The following ZDHHC7 variants were observed in gnomAD, a reference collection of about 807,000 sequenced individuals.
ZDHHC7 encodes the protein zDHHC palmitoyltransferase 7.
In ZDHHC7, 12 loss-of-function variants were observed where a neutral mutation model predicts 34.1. The ratio of observed to expected loss-of-function variants is 0.35; its 90% CI spans 0.23 to 0.57. The LOEUF (loss-of-function observed/expected upper bound fraction) is 0.57. Ranked by LOEUF, ZDHHC7 falls within the 20% of genes least tolerant of loss-of-function variation. The pLI is 0.84. For missense variants in ZDHHC7, 388 were observed against 402.7 expected (o/e 0.96, Z 0.31); for synonymous variants, 185 against 155.4 (o/e 1.19, Z -1.42).
upstream of ZDHHC7, among the ~76,000 whole-genome samples, chr16:85,015,273 G>C (rs1374249988): frequency 2.0e-5 from 3 of 151,762 alleles, no homozygotes; most frequent in Non-Finnish European, 2.9e-5. Context: ...CTAATTTTTT[G>C]TATTTTTAGT....
chr16:84,997,267 CTT>C (rs34612029), intron 1 of ZDHHC7, among the ~76,000 whole-genome samples: 33,743 of 110,274 alleles, frequency 0.31, 5,184 homozygotes, highest in African/African-American at 0.55. Flanking sequence ...CTAAATTTTC[CTT>C]TTTTTTTTTT....
intron 3 of ZDHHC7, among the ~76,000 whole-genome samples, chr16:84,983,953 CTGCA>C (rs1199126914): frequency 3.7e-5 from 5 of 133,678 alleles, no homozygotes; most frequent in African/African-American, 1.5e-4. Context: ...GATCACGCCA[CTGCA>C]CTCCAGCAAA....
At chr16:84,996,520 C>T (rs2072579048) in intron 1 of ZDHHC7, among the ~76,000 whole-genome samples, 1 of 152,188 alleles carries the variant, frequency 6.6e-6, no homozygotes, top group African/African-American at 2.4e-5. Flanking sequence ...CACGCATCTC[C>T]CACGTAGCTC....
At chr16:85,023,502 T>C in the ZDHHC7 span, among the ~76,000 whole-genome samples, 1 of 152,016 alleles carries the variant, frequency 6.6e-6, no homozygotes, top group Non-Finnish European at 1.5e-5. Flanking sequence ...TTGTGGTGAT[T>C]TGTTACAAAC....
chr16:84,980,207 C>T (rs573874282), intron 4 of ZDHHC7, among the ~76,000 whole-genome samples: 13 of 151,356 alleles, frequency 8.6e-5, no homozygotes, highest in South Asian at 4.2e-4. Context: ...CCTCGTGATC[C>T]GCCCACCCCG....
chr16:85,006,242 C>T (rs977586258), intron 1 of ZDHHC7, among the ~76,000 whole-genome samples: 12 of 152,060 alleles, frequency 7.9e-5, no homozygotes, highest in Middle Eastern at 6.8e-3. Flanking sequence ...AGCTGTAGTC[C>T]CAGCTACTCG....
chr16:84,989,572 G>A (rs1161734463), intron 3 of ZDHHC7, among the ~76,000 whole-genome samples: 1 of 151,418 alleles, frequency 6.6e-6, no homozygotes, highest in Admixed American at 6.6e-5. Context: ...GTGCATGCCT[G>A]TAATCCCAGC....
At chr16:85,017,533 C>T in the ZDHHC7 span, among the ~76,000 whole-genome samples, 17 of 152,164 alleles carry the variant, frequency 1.1e-4, no homozygotes, top group African/African-American at 4.1e-4. Flanking sequence ...TCCATAATAG[C>T]CCCAAACTTG....
chr16:85,010,890 G>A (rs986065321), intron 1 of ZDHHC7, among the ~76,000 whole-genome samples: 1 of 152,336 alleles, frequency 6.6e-6, no homozygotes, highest in East Asian at 1.9e-4. Flanking sequence ...GCCACAACGC[G>A]AAGTGCGAGA....
At chr16:84,989,118 G>C (rs755823892) in intron 3 of ZDHHC7, among the ~76,000 whole-genome samples, 1 of 152,202 alleles carries the variant, frequency 6.6e-6, no homozygotes, top group Non-Finnish European at 1.5e-5. Flanking sequence ...CCATCGAAGA[G>C]ACTCAGTTAT....
intron 1 of ZDHHC7, among the ~76,000 whole-genome samples, chr16:85,002,817 T>G (rs985464422): frequency 4.0e-5 from 6 of 151,894 alleles, no homozygotes; most frequent in Admixed American, 1.3e-4. Flanking sequence ...AGCAGTTCAC[T>G]CAGGAAGACG....
intron 4 of ZDHHC7, among the ~76,000 whole-genome samples, chr16:84,980,853 C>T (rs1049471201): frequency 6.6e-5 from 10 of 152,206 alleles, no homozygotes; most frequent in Admixed American, 6.5e-5. Context: ...CAGCCCAAAA[C>T]AGCCACCCAT....
chr16:85,011,118 T>A (rs1276025527), intron 1 of ZDHHC7, among the ~76,000 whole-genome samples, 168 bp downstream of exon 1: 1 of 152,092 alleles, frequency 6.6e-6, no homozygotes, highest in East Asian at 1.9e-4. Flanking sequence ...GGAAGGGAAG[T>A]CAGGTGCGGG....
intron 4 of ZDHHC7, among the ~76,000 whole-genome samples, chr16:84,980,962 C>T (rs901505782): frequency 3.3e-5 from 5 of 152,196 alleles, no homozygotes; most frequent in African/African-American, 9.7e-5. Flanking sequence ...GCAGTCAGCA[C>T]CCTGTATCTG....
At chr16:85,021,988 G>A in the ZDHHC7 span, among the ~76,000 whole-genome samples, 1 of 147,324 alleles carries the variant, frequency 6.8e-6, no homozygotes, top group Non-Finnish European at 1.5e-5. Context: ...AACCCTGTCT[G>A]TACTAAAAAT....
At chr16:85,002,228 C>T (rs901276597) in intron 1 of ZDHHC7, among the ~76,000 whole-genome samples, 3 of 152,158 alleles carry the variant, frequency 2.0e-5, no homozygotes, top group Non-Finnish European at 4.4e-5. Context: ...TCCTCCTCCT[C>T]CAGCAGGGAG....
At chr16:84,977,867 C>T (rs553661566) in intron 6 of ZDHHC7, 57 bp downstream of exon 6, 10 of 1,370,240 alleles carry the variant, frequency 7.3e-6, no homozygotes, top group South Asian at 3.7e-5. Flanking sequence ...AAAGCTTTCC[C>T]CTTTCATCCA....
intron 1 of ZDHHC7, among the ~76,000 whole-genome samples, chr16:85,002,651 G>T (rs1234878081): frequency 6.6e-6 from 1 of 152,146 alleles, no homozygotes; most frequent in African/African-American, 2.4e-5. Context: ...CTGGGACAGA[G>T]AAAGGACATT....
chr16:84,999,763 T>G (rs1035672298), intron 1 of ZDHHC7, among the ~76,000 whole-genome samples: 2 of 152,082 alleles, frequency 1.3e-5, no homozygotes, highest in Non-Finnish European at 2.9e-5. Context: ...CATGCCTGTA[T>G]CTTGAGAGGG....
Sources: gnomAD v4.1 joint callset for allele counts (sites outside exome capture counted in the v4.1 genomes callset) on GRCh38, gnomAD v4.1.1 for gene constraint, MANE v1.5 for transcripts, NCBI Gene and HGNC (gene_info 2026-07-23, HGNC 2026-07-21) for gene names.